Variants in ITPR1 observed in about 807,000 individuals in gnomAD.
ITPR1 encodes inositol 1,4,5-trisphosphate-gated calcium channel ITPR1.
A neutral mutation model predicts 318.4 loss-of-function variants in ITPR1; 96 were observed. The ratio of observed to expected loss-of-function variants is 0.30; its 90% CI spans 0.26 to 0.36. ITPR1 has a LOEUF of 0.36. Among genes scored for constraint, ITPR1 ranks in the 10% least tolerant of loss-of-function variants. The probability of loss-of-function intolerance (pLI) is 1.00; values close to 1 mark genes in which losing one functional copy is unlikely to be tolerated. For synonymous variants in ITPR1, 1,312 were observed against 1,289.9 expected, an observed-to-expected ratio of 1.02 and a Z score of -0.37; for missense variants, 2,440 against 3,460.2, an observed-to-expected ratio of 0.71 and a Z score of 7.40.
chr3:4,730,747 C>T (rs2042872922), intron 42 of ITPR1, among the ~76,000 whole-genome samples: 1 of 152,170 alleles, frequency 6.6e-6, no homozygotes, highest in Non-Finnish European at 1.5e-5. Flanking sequence ...ACTCTAGCTC[C>T]AAGTGGAATC....
Position 4,795,194 on chromosome 3 carries a change from A to T in ITPR1, c.6931+7A>T. On this transcript the variant is annotated splice_region_variant and intron_variant, in intron 53 of 61. Coordinates refer to ENST00000649015, the MANE Select transcript of ITPR1 (RefSeq NM_001378452.1). ...TTTAAGGGAGTCCGAGGAGGTACCCATATCTTTAACTTCAAAAATCCTATT... is the reference window on the plus strand; with the variant it reads ...TTTAAGGGAGTCCGAGGAGGTACCCTTATCTTTAACTTCAAAAATCCTATT... 6.2e-7 allele frequency: 1 copy of T among 1,611,310 alleles called. No homozygotes were observed. Among genetic ancestry groups the T allele is most frequent in the Non-Finnish European group, 8.5e-7 (1 of 1,178,800 alleles).
At chr3:4,623,734 A>T (rs1342804964) in intron 4 of ITPR1, among the ~76,000 whole-genome samples, 1 of 152,226 alleles carries the variant, frequency 6.6e-6, no homozygotes, top group African/African-American at 2.4e-5. Context: ...TGAATTGCTT[A>T]ATTTAATTTT....
Position 4,683,768 on chromosome 3 carries a change from A to G in ITPR1, c.3468A>G (p.Ala1156=). ...GQGPDETMDG[A]SGENEHKKTE... ...GCCCCGATGAGACTATGGATGGTGC[A>G]TCTGGAGAAAATGAACATAAGAAAA... Residue 1156 remains alanine (A), a synonymous_variant, in exon 28 of 62, where the codon GCA becomes GCG. Coordinates refer to ENST00000649015, the MANE Select transcript of ITPR1 (RefSeq NM_001378452.1). 5 of 1,614,028 alleles carry G rather than the reference A, an allele frequency of 3.1e-6. No homozygotes were observed. Among genetic ancestry groups the G allele is most frequent in the Non-Finnish European group, 4.2e-6 (5 of 1,179,864 alleles).
intron 24 of ITPR1, among the ~76,000 whole-genome samples, chr3:4,677,856 G>T (rs1424783736): frequency 6.6e-6 from 1 of 151,938 alleles, no homozygotes; most frequent in Non-Finnish European, 1.5e-5. Flanking sequence ...AAGCGGGGGT[G>T]GAATCTAGTA....
intron 20 of ITPR1, chr3:4,671,602 A>G (rs3828433): frequency 0.3 from 45,469 of 151,874 alleles, 7,455 homozygotes; most frequent in East Asian, 0.63. Flanking sequence ...ACCCACCTCC[A>G]CGGTCCCCAG....
intron 36 of ITPR1, among the ~76,000 whole-genome samples, chr3:4,704,775 C>T (rs1478392817): frequency 6.6e-6 from 1 of 151,090 alleles, no homozygotes; most frequent in Admixed American, 6.6e-5. Context: ...GACATGAAAA[C>T]AGCACTACCC....
At position 4,516,490 on chromosome 3, in the gene ITPR1, A is replaced by T. The variant is rs369723935; in HGVS notation, c.-2A>T. ...ACTTTGTCTAGGATTTTCAAGAAAG[A>T]CATGTCTGACAAAATGTCTAGCTTC... On this transcript the variant is annotated 5_prime_UTR_variant, in exon 3 of 62. Transcript: ENST00000649015. The T allele has an allele frequency of 6.4e-6, 10 of 1,551,414 alleles. No homozygotes were observed. Among genetic ancestry groups the T allele is most frequent in the Non-Finnish European group, 6.1e-6 (7 of 1,140,630 alleles).
chr3:4,668,736 G>C (rs536170484), intron 18 of ITPR1, among the ~76,000 whole-genome samples: 10 of 152,296 alleles, frequency 6.6e-5, no homozygotes, highest in African/African-American at 2.2e-4. Context: ...AAAGTGCTGG[G>C]ATTACAGGCG....
chr3:4,696,913 A>G (rs2094568046), intron 33 of ITPR1, among the ~76,000 whole-genome samples: 1 of 152,158 alleles, frequency 6.6e-6, no homozygotes, highest in Non-Finnish European at 1.5e-5. Context: ...TTCTGTGGTC[A>G]GAGGTTTTGC....
At chr3:4,805,626 G>T (rs1462016119) in intron 54 of ITPR1, among the ~76,000 whole-genome samples, 1 of 152,070 alleles carries the variant, frequency 6.6e-6, no homozygotes, top group Non-Finnish European at 1.5e-5. Flanking sequence ...GTGAACTTAG[G>T]AGCATTGAAA....
At chr3:4,520,756 C>A (rs1316239416) in intron 3 of ITPR1, among the ~76,000 whole-genome samples, 2 of 152,180 alleles carry the variant, frequency 1.3e-5, no homozygotes, top group African/African-American at 4.8e-5. Context: ...ACCTTGCATG[C>A]TATACTCAGA....
At chr3:4,783,943 G>T (rs760535537) in intron 51 of ITPR1, 23 bp downstream of exon 51, 1 of 1,538,488 alleles carries the variant, frequency 6.5e-7, no homozygotes, top group South Asian at 1.2e-5. Flanking sequence ...TAAACTCAGG[G>T]CATGGGGTTG....
At chr3:4,736,530 C>T (rs1012062090) in intron 44 of ITPR1, among the ~76,000 whole-genome samples, 6 of 152,240 alleles carry the variant, frequency 3.9e-5, no homozygotes, top group Non-Finnish European at 8.8e-5. Flanking sequence ...CTTCCCCCAA[C>T]GTACACTTTT....
At chr3:4,600,386 T>C (rs1290466831) in intron 4 of ITPR1, among the ~76,000 whole-genome samples, 3 of 152,100 alleles carry the variant, frequency 2.0e-5, no homozygotes, top group Non-Finnish European at 2.9e-5. Flanking sequence ...CCCCAGGTTT[T>C]GTTGTGGGTG....
intron 44 of ITPR1, chr3:4,749,712 C>G (rs1367593519): frequency 6.6e-6 from 1 of 152,490 alleles, no homozygotes; most frequent in African/African-American, 2.4e-5. Context: ...AGAATGCTTG[C>G]TAGGGAAAAG....
chr3:4,564,027 C>T (rs145801541), intron 4 of ITPR1, among the ~76,000 whole-genome samples: 2,494 of 152,084 alleles, frequency 0.016, 63 homozygotes, highest in African/African-American at 0.057. Flanking sequence ...CTGCAACCTC[C>T]ACCTCCGGGG....
In ITPR1 at chr3:4,740,447, AC is replaced by A. The variant is rs2043617863; in HGVS notation, c.5544+5096del. ...AGAAATTCTAGATTTCATTGTCCAG[AC>A]CCTAGAGGATTCAATTTATGGGAAT... On this transcript the variant is annotated intron_variant, in intron 44 of 61. Transcript: ENST00000649015. Among the ~76,000 whole-genome samples, 3 of 152,146 alleles carry A rather than the reference AC, an allele frequency of 2.0e-5. No homozygotes were observed. The South Asian group carries it at 6.2e-4, about 31-fold the overall frequency.
chr3:4,618,281 T>G (rs970586441), intron 4 of ITPR1, among the ~76,000 whole-genome samples: 1 of 152,232 alleles, frequency 6.6e-6, no homozygotes, highest in Non-Finnish European at 1.5e-5. Context: ...CTTCTCACTT[T>G]CCAGAGGCAA....
Position 4,813,180 on chromosome 3 carries a change from G to A in ITPR1, c.7507G>A (p.Asp2503Asn), listed in dbSNP as rs369481606. 6.8e-6 allele frequency: 11 copies of A among 1,613,822 alleles called. No individual in the cohort carries two copies. Among genetic ancestry groups the A allele is most frequent in the East Asian group, 6.7e-5 (3 of 44,902 alleles). The change falls in exon 57 of 62, where the codon GAT (aspartate) becomes AAT (asparagine). Residue 2503 changes from aspartate to asparagine, a missense_variant. Coordinates refer to ENST00000649015, the MANE Select transcript of ITPR1 (RefSeq NM_001378452.1). Reference sequence around the variant, plus strand: ...TTTGGCAAGCGAGTTCCTGTTCTCCGATGTGTGTAGGGTGGAGAGTGGGGA... The same window carrying A: ...TTTGGCAAGCGAGTTCCTGTTCTCCAATGTGTGTAGGGTGGAGAGTGGGGA... ...ESLASEFLFS[D>N]VCRVESGENC...
Sources: allele counts gnomAD v4.1 joint callset (sites outside exome capture counted in the v4.1 genomes callset), GRCh38; gene constraint gnomAD v4.1.1; transcripts MANE v1.5; gene names NCBI Gene and HGNC (gene_info 2026-07-23, HGNC 2026-07-21).